The following SMTN variants were observed in gnomAD, a reference collection of about 807,000 sequenced individuals.
The protein encoded by SMTN is smoothelin.
SMTN carries 58 observed loss-of-function variants against 102.0 expected under a neutral mutation model. The observed-to-expected ratio is 0.57, with a 90% confidence interval of 0.46 to 0.71. The LOEUF is 0.71. Among genes scored for constraint, SMTN ranks in the 30% least tolerant of loss-of-function variants. SMTN has a pLI of 0.00. For missense variants in SMTN, 1,185 were observed against 1,241.7 expected (o/e 0.95, Z 0.69); for synonymous variants, 478 against 497.9 (o/e 0.96, Z 0.53).
chr22:31,104,154 A>T lies in SMTN; in HGVS notation c.*21-162A>T, dbSNP rs2044311105. 4 of 744,732 alleles carry T rather than the reference A, an allele frequency of 5.4e-6. No homozygotes were observed. In the South Asian group the frequency reaches 5.7e-5, roughly 11 times the overall value. The allele number at this position is 744,732 out of a possible 1,614,324, so 46.1% of individuals were successfully genotyped here. A position where few individuals can be genotyped will look rare whatever the true frequency, so the allele number is the denominator to read the frequency against. On this transcript the variant is annotated intron_variant, in intron 20 of 20. Transcript: ENST00000333137. ...CCGAGAGATGCCTCCAGGCTTGGGT[A>T]GATGAAGCCAGGGGCTTCCTGCCTT...
chr22:31,096,798 G>A lies in SMTN; in HGVS notation c.1927G>A (p.Gly643Ser), dbSNP rs139326018. The change falls in exon 14 of 21, where the codon GGC (glycine) becomes AGC (serine). Residue 643 changes from glycine (G) to serine (S), a missense_variant. Gly to Ser is a moderately conservative substitution (Grantham distance 56). This residue lies in a region of SMTN where 1,096 missense variants were observed against 1,112.7 expected (regional missense o/e 0.98). Transcript: ENST00000333137. The part of the protein sequence containing the change: ...EARGRPGEGR[G>S]NTATETTTRH... ...ACGGGGCCGGCCAGGGGAGGGGCGC[G>A]GCAACACAGCCACTGAGACCACCAC... 58 of 1,568,078 alleles carry A rather than the reference G, an allele frequency of 3.7e-5. No homozygotes were observed. The highest frequency in any genetic ancestry group is 5.4e-5 in the African/African-American group (4 of 73,808).
Position 31,091,469 on chromosome 22 carries a change from C to T in SMTN, c.1446C>T (p.Gly482=). Residue 482 remains glycine, a synonymous_variant, in exon 10 of 21, where the codon GGC becomes GGT. Transcript: ENST00000333137. ...CAGGCCGGGTGCTGCTGCCCACAGG[C>T]AACCAGAGGGCAGGTAGGCGCCCCC... The part of the protein sequence containing the change: ...ASTGRVLLPT[G]NQRAELTLGL... 1 of 1,520,800 alleles carries T rather than the reference C, an allele frequency of 6.6e-7. No homozygotes were observed. Among genetic ancestry groups the T allele is most frequent in the South Asian group, 1.3e-5 (1 of 76,172 alleles). 94.2% of individuals were successfully genotyped at this position (1,520,800 alleles called of 1,614,324 possible).
intron 6 of SMTN, 69 bp downstream of exon 6, chr22:31,089,038 G>A: frequency 7.9e-7 from 1 of 1,272,510 alleles, no homozygotes; most frequent in Non-Finnish European, 1.1e-6. Flanking sequence ...GTGCCTGAGT[G>A]TCTTTGCTAG....
Position 31,081,385 on chromosome 22 carries a change from T to A in SMTN, c.-152T>A, listed in dbSNP as rs1302626646. The A allele has an allele frequency of 6.6e-6, 1 of 152,154 alleles. No homozygotes were observed. The highest frequency in any genetic ancestry group is 2.4e-5 in the African/African-American group (1 of 41,400). The allele number at this position is 152,154 out of a possible 1,614,324, so 9.4% of individuals were successfully genotyped here. A position where few individuals can be genotyped will look rare whatever the true frequency, so the allele number is the denominator to read the frequency against. On this transcript the variant is annotated 5_prime_UTR_variant, in exon 1 of 21. Coordinates refer to ENST00000333137, the MANE Select transcript of SMTN (RefSeq NM_134269.3). ...GGTCGCGGCACCTCCGGCCTGCGCG[T>A]GTCTAATCCGTCTGTCGGGTCCCGA...
At chr22:31,097,109 T>G in intron 15 of SMTN, 49 bp downstream of exon 15, 1 of 1,573,608 alleles carries the variant, frequency 6.4e-7, no homozygotes, top group Non-Finnish European at 8.7e-7. Flanking sequence ...TCCGCCCACC[T>G]CCTCCGGCTC....
chr22:31,102,017 C>T (rs1276238723), intron 20 of SMTN: 2 of 151,952 alleles, frequency 1.3e-5, no homozygotes, highest in East Asian at 3.9e-4. Context: ...GTCTGCCAGG[C>T]TCCTGTGTGG....
At chr22:31,092,448 A>G (rs1422085859) in intron 11 of SMTN, 1 of 471,042 alleles carries the variant, frequency 2.1e-6, no homozygotes, top group Non-Finnish European at 4.4e-6. Flanking sequence ...GCACCCTTCC[A>G]TTATTCATTC....
At chr22:31,088,657 G>A in intron 4 of SMTN, 42 bp from the exon 5 acceptor site, 1 of 1,612,428 alleles carries the variant, frequency 6.2e-7, no homozygotes, top group Non-Finnish European at 8.5e-7. Flanking sequence ...TGAAGACCTG[G>A]ACTCCACAGC....
intron 2 of SMTN, chr22:31,085,416 G>T: frequency 1.2e-6 from 1 of 839,048 alleles, no homozygotes; most frequent in Non-Finnish European, 1.8e-6. Context: ...GGGGGAGCTG[G>T]GACTGAAAGC....
intron 16 of SMTN, 81 bp downstream of exon 16, chr22:31,097,419 G>C (rs1409616123): frequency 7.6e-7 from 1 of 1,307,982 alleles, no homozygotes; most frequent in African/African-American, 1.4e-5. Flanking sequence ...TTACAGAGGG[G>C]TGGGCTGGGC....
In SMTN at chr22:31,099,677, A is replaced by C; in HGVS notation, c.2452-68A>C. ...AGTGCCCTAGGTCTGGAATAACAGA[A>C]TGCTGAGGGGTAGACAGCAGGGGGG... On this transcript the variant is annotated intron_variant, in intron 18 of 20. Coordinates refer to ENST00000333137, the MANE Select transcript of SMTN (RefSeq NM_134269.3). 1.9e-6 allele frequency: 3 copies of C among 1,561,344 alleles called. No homozygotes were observed. The South Asian group carries it at 3.5e-5, about 18-fold the overall frequency.
At position 31,104,464 on chromosome 22, in the gene SMTN, T is replaced by TAGCC. The variant is rs1260474118; in HGVS notation, c.*170_*173dup. The TAGCC allele has an allele frequency of 6.2e-6, 10 of 1,612,738 alleles. No homozygotes were observed. The Middle Eastern group carries it at 4.9e-4, about 80-fold the overall frequency. On this transcript the variant is annotated 3_prime_UTR_variant, in exon 21 of 21. Coordinates refer to ENST00000333137, the MANE Select transcript of SMTN (RefSeq NM_134269.3). The stretch of plus-strand genomic sequence containing the variant: ...ACTGCGCCTGCGCGGCAAGAATGTC[T>TAGCC]AGCCTGCCCGCCCGCATGGCCAGCC...
At chr22:31,085,192 T>G in intron 2 of SMTN, 1 of 1,535,446 alleles carries the variant, frequency 6.5e-7, no homozygotes, top group Admixed American at 2.0e-5. Flanking sequence ...CTGGGTGTCC[T>G]GGGGACCTTG....
chr22:31,101,182 T>C, intron 20 of SMTN, 133 bp downstream of exon 20: 1 of 838,658 alleles, frequency 1.2e-6, no homozygotes, highest in South Asian at 1.8e-5. Context: ...GACATAGCCC[T>C]GTCTTCTGGC....
At chr22:31,092,672 C>T (rs958538137) in intron 11 of SMTN, 2 of 417,554 alleles carry the variant, frequency 4.8e-6, no homozygotes, top group Non-Finnish European at 1.0e-5. Context: ...AAGCAGGATC[C>T]AGCTGCCCTC....
chr22:31,076,711 C>T (rs978369110), upstream of SMTN, among the ~76,000 whole-genome samples: 3 of 152,318 alleles, frequency 2.0e-5, no homozygotes, highest in Admixed American at 6.5e-5. Context: ...AAGCCTGTCC[C>T]TTGTCCTCTC....
chr22:31,093,836 G>A (rs754171310), intron 11 of SMTN: 51 of 1,588,510 alleles, frequency 3.2e-5, no homozygotes, highest in Middle Eastern at 1.7e-4. Flanking sequence ...TTCAGCACCC[G>A]CCGCCGCTCC....
In SMTN at chr22:31,065,947, GCT is replaced by G. The variant is rs1174675379; in HGVS notation, c.-386+1762_-386+1763del. ...GGGTTGTTCATTCTCCTTCTGCAGT[GCT>G]CAGCTCTGGCCTCTCCTCTCCTGTT... On this transcript the variant is annotated intron_variant, in intron 1 of 3. Coordinates refer to the SMTN transcript ENST00000422839. The G allele has an allele frequency of 2.6e-5, 4 of 152,350 alleles. No homozygotes were observed. In the East Asian group the frequency reaches 7.7e-4, roughly 29 times the overall value. The allele number at this position is 152,350 out of a possible 1,614,324, so 9.4% of individuals were successfully genotyped here. A position where few individuals can be genotyped will look rare whatever the true frequency, so the allele number is the denominator to read the frequency against.
intron 1 of SMTN, among the ~76,000 whole-genome samples, chr22:31,069,479 G>A (rs1282995679): frequency 1.3e-5 from 2 of 152,198 alleles, no homozygotes; most frequent in African/African-American, 2.4e-5. Flanking sequence ...ATGTTAGAAC[G>A]ATGAATTCGA....
Sources: gnomAD v4.1 joint callset for allele counts (sites outside exome capture counted in the v4.1 genomes callset) on GRCh38, gnomAD v4.1.1 for gene constraint, gnomAD v4.1.1 regional missense constraint, MANE v1.5 for transcripts, NCBI Gene and HGNC (gene_info 2026-07-23, HGNC 2026-07-21) for gene names.